The following BRINP3 variants were observed in gnomAD, a reference collection of about 807,000 sequenced individuals.
BRINP3 encodes BMP/retinoic acid inducible neural specific 3.
Under a neutral mutation model 71.0 loss-of-function variants are expected in BRINP3, and 19 were observed. That is an observed-to-expected ratio of 0.27 (90% CI 0.19 to 0.39). The LOEUF (loss-of-function observed/expected upper bound fraction) is 0.39. BRINP3 is among the 10% of genes least tolerant of loss of function. The pLI, the probability that BRINP3 is intolerant of heterozygous loss-of-function variation, is 1.00. For synonymous variants in BRINP3, 380 were observed against 337.7 expected (o/e 1.13, Z -1.37); for missense variants, 959 against 940.8 (o/e 1.02, Z -0.25).
chr1:190,153,963 A>G (rs773978452), intron 7 of BRINP3: 19 of 500,474 alleles, frequency 3.8e-5, no homozygotes, highest in Non-Finnish European at 4.9e-5. Flanking sequence ...TAACTTATAC[A>G]AAATGGAATT....
At chr1:190,286,796 A>G (rs181300039) in intron 2 of BRINP3, among the ~76,000 whole-genome samples, 1 of 152,302 alleles carries the variant, frequency 6.6e-6, no homozygotes, top group East Asian at 1.9e-4. Context: ...TTAACTTGCC[A>G]AACTTTAATA....
At chr1:190,152,031 G>T (rs774704355) in intron 7 of BRINP3, among the ~76,000 whole-genome samples, 2 of 152,000 alleles carry the variant, frequency 1.3e-5, no homozygotes, top group Non-Finnish European at 2.9e-5. Flanking sequence ...ATTTTATGGA[G>T]TATTTGGCAT....
intron 2 of BRINP3, among the ~76,000 whole-genome samples, chr1:190,390,867 T>G (rs987996036): frequency 1.3e-5 from 2 of 151,744 alleles, no homozygotes; most frequent in Non-Finnish European, 2.9e-5. Flanking sequence ...GCAGTTAGGG[T>G]CAGACTGGGA....
chr1:190,252,154 A>T (rs1171327676), intron 4 of BRINP3, among the ~76,000 whole-genome samples: 2 of 152,034 alleles, frequency 1.3e-5, no homozygotes, highest in Non-Finnish European at 2.9e-5. Context: ...AAATGCATTC[A>T]ACAAATATTT....
At chr1:190,222,559 A>T (rs1656986600) in intron 6 of BRINP3, among the ~76,000 whole-genome samples, 1 of 151,990 alleles carries the variant, frequency 6.6e-6, no homozygotes, top group Non-Finnish European at 1.5e-5. Flanking sequence ...AGCAGATATG[A>T]ATAAAGTTGA....
At chr1:190,453,248 G>C (rs1410122815) in intron 2 of BRINP3, among the ~76,000 whole-genome samples, 1 of 59,600 alleles carries the variant, frequency 1.7e-5, no homozygotes, top group Admixed American at 2.4e-4. Context: ...TGAGACGGAG[G>C]CTCGCTCTGT....
chr1:190,363,015 T>A (rs1669247904), intron 2 of BRINP3, among the ~76,000 whole-genome samples: 1 of 152,128 alleles, frequency 6.6e-6, no homozygotes, highest in African/African-American at 2.4e-5. Flanking sequence ...ATTAATCACT[T>A]GACTTTGAGT....
intron 6 of BRINP3, among the ~76,000 whole-genome samples, chr1:190,165,456 TTTTTTGTGTGTGTG>T (rs1323454419): frequency 4.6e-4 from 49 of 107,622 alleles, no homozygotes; most frequent in Admixed American, 3.7e-4. Flanking sequence ...TTTTTTTTTT[TTTTTTGTGTGTGTG>T]TGTGTGTGTG....
intron 2 of BRINP3, among the ~76,000 whole-genome samples, chr1:190,293,555 T>C (rs993152919): frequency 6.6e-6 from 1 of 152,184 alleles, no homozygotes; most frequent in Admixed American, 6.6e-5. Flanking sequence ...GAGCATAGTT[T>C]AACTTTGATG....
chr1:190,454,653 A>G lies in BRINP3; in HGVS notation c.236+2T>C. The G allele has an allele frequency of 6.2e-7, 1 of 1,611,562 alleles. No homozygotes were observed. On this transcript the variant is annotated splice_donor_variant, in intron 2 of 7. Coordinates refer to ENST00000367462, the MANE Select transcript of BRINP3 (RefSeq NM_199051.3). LOFTEE classifies it high-confidence loss of function. ...TGTAATTGCTTTCCCTTTGCTTCAT[A>G]CCTGTATATCTTGTATCTTGTGCTA...
At chr1:190,194,633 AT>A (rs745858796) in intron 6 of BRINP3, among the ~76,000 whole-genome samples, 44 of 151,944 alleles carry the variant, frequency 2.9e-4, no homozygotes, top group African/African-American at 1.1e-3. Flanking sequence ...AAGAAACCTG[AT>A]TTTTTTTCCT....
intron 7 of BRINP3, among the ~76,000 whole-genome samples, chr1:190,143,158 T>C (rs1655601046): frequency 6.6e-6 from 1 of 152,092 alleles, no homozygotes; most frequent in Non-Finnish European, 1.5e-5. Context: ...AAAATGCAAG[T>C]AGCCTATATA....
intron 3 of BRINP3, 132 bp downstream of exon 3, chr1:190,281,428 G>A (rs758097835): frequency 4.7e-5 from 39 of 836,532 alleles, no homozygotes; most frequent in Admixed American, 7.7e-5. Flanking sequence ...CTCAAAATGT[G>A]TTGGGTAAAT....
intron 6 of BRINP3, among the ~76,000 whole-genome samples, chr1:190,219,674 C>G (rs930198492): frequency 6.6e-6 from 1 of 151,736 alleles, no homozygotes; most frequent in African/African-American, 2.4e-5. Flanking sequence ...CCTGTCTCTA[C>G]TAAAAATACA....
chr1:190,154,032 A>G, intron 7 of BRINP3: 3 of 936,948 alleles, frequency 3.2e-6, no homozygotes, highest in Non-Finnish European at 3.8e-6. Flanking sequence ...GGTGGCCTCA[A>G]AGATGCTGGG....
intron 2 of BRINP3, among the ~76,000 whole-genome samples, chr1:190,301,210 T>TATATATATATATACACACATAC (rs1664697258): frequency 9.3e-6 from 1 of 107,818 alleles, no homozygotes; most frequent in Non-Finnish European, 1.8e-5. Flanking sequence ...CATACATATA[T>TATATATATATATACACACATAC]ATATATATAT....
intron 7 of BRINP3, among the ~76,000 whole-genome samples, chr1:190,156,113 T>C (rs549948761): frequency 6.6e-6 from 1 of 152,094 alleles, no homozygotes; most frequent in Admixed American, 6.6e-5. Context: ...AAAAATGATT[T>C]TTATGTCGCA....
intron 4 of BRINP3, among the ~76,000 whole-genome samples, chr1:190,264,325 A>G (rs1008869482): frequency 1.3e-5 from 2 of 152,254 alleles, no homozygotes; most frequent in African/African-American, 4.8e-5. Flanking sequence ...TAATCCACCA[A>G]TTCTAGATTA....
At position 190,098,424 on chromosome 1, in the gene BRINP3, C is replaced by T. The variant is rs751255099; in HGVS notation, c.1895G>A (p.Arg632His). Residue 632 changes from arginine to histidine, a missense_variant, in exon 8 of 8, where the codon CGC becomes CAC. Transcript: ENST00000367462. ...ACCATTGGGACCATTGGACTTGATG[C>T]GACTTCTCAGGTAGATGTGTACTGT... ...FETVHIYLRS[R>H]IKSNGPNGNE... is the part of the protein sequence containing the mutation. 1.9e-5 allele frequency: 31 copies of T among 1,614,114 alleles called. No homozygotes were observed. The highest frequency in any genetic ancestry group is 2.6e-5 in the Non-Finnish European group (31 of 1,180,034).
Sources: gnomAD v4.1 joint callset for allele counts (sites outside exome capture counted in the v4.1 genomes callset) on GRCh38, gnomAD v4.1.1 for gene constraint, MANE v1.5 for transcripts, NCBI Gene and HGNC (gene_info 2026-07-23, HGNC 2026-07-21) for gene names.